VPS53: variants seen among roughly 807,000 people sequenced by gnomAD.
VPS53 encodes vacuolar protein sorting-associated protein 53 homolog.
In VPS53, 70 loss-of-function variants were observed where a neutral mutation model predicts 107.0. The observed-to-expected ratio is 0.65, with a 90% confidence interval of 0.54 to 0.80. The LOEUF (loss-of-function observed/expected upper bound fraction) is 0.80, where lower values mean the gene tolerates loss of function less well. Among genes scored for constraint, VPS53 ranks in the 30% least tolerant of loss-of-function variants. The pLI is 0.00. For missense variants in VPS53, 917 were observed against 1,049.4 expected, an observed-to-expected ratio of 0.87 and a Z score of 1.74; for synonymous variants, 409 against 393.3, an observed-to-expected ratio of 1.04 and a Z score of -0.47.
At chr17:560,727 T>G (rs891907920) in intron 14 of VPS53, among the ~76,000 whole-genome samples, 154 bp from the exon 15 acceptor site, 1 of 152,226 alleles carries the variant, frequency 6.6e-6, no homozygotes, top group African/African-American at 2.4e-5. Context: ...CCTACTGACC[T>G]TACCTTGACA....
chr17:558,264 G>A (rs367602893), intron 15 of VPS53, among the ~76,000 whole-genome samples: 31 of 152,270 alleles, frequency 2.0e-4, no homozygotes, highest in Admixed American at 5.9e-4. Flanking sequence ...TCAGGAGATT[G>A]AGACCATCCT....
At chr17:594,565 C>T (rs1362706507) in intron 12 of VPS53, among the ~76,000 whole-genome samples, 1 of 145,070 alleles carries the variant, frequency 6.9e-6, no homozygotes, top group Non-Finnish European at 1.5e-5. Flanking sequence ...GGGAAGGGGT[C>T]TGGATCAATT....
rs557886592 is a variant in VPS53 at position 559,445 on chromosome 17, A to C, written c.1704+981T>G. ...ACAGATAGTGCCATCTTACCTGGGGAGTGGCCTGGGGCTAAACGGACTGCT... is the reference window on the plus strand; with the variant it reads ...ACAGATAGTGCCATCTTACCTGGGGCGTGGCCTGGGGCTAAACGGACTGCT... On this transcript the variant is annotated intron_variant, in intron 15 of 21. Coordinates refer to ENST00000437048, the MANE Select transcript of VPS53 (RefSeq NM_001128159.3). 1.2e-4 allele frequency among the ~76,000 whole-genome samples: 19 copies of C among 152,288 alleles called. No individual in the cohort carries two copies. The Middle Eastern group carries it at 0.037, about 300-fold the overall frequency.
rs1028159469 is a variant in VPS53, at chr17:517,327, T to C, written c.*1801A>G. 7 of 396,954 alleles carry C rather than the reference T, an allele frequency of 1.8e-5. No individual in the cohort carries two copies. The highest frequency in any genetic ancestry group is 1.2e-4 in the African/African-American group (6 of 48,550). The allele number at this position is 396,954 out of a possible 1,614,324, so 24.6% of individuals were successfully genotyped here. ...CTAGCAAGGACAGCCTGGAAGCCGA[T>C]GAAGAAATGACACTCAGGATCAGAG... On this transcript the variant is annotated 3_prime_UTR_variant, in exon 22 of 22. Transcript: ENST00000437048.
At chr17:656,700 ATGTG>A (rs34123743) in intron 5 of VPS53, 112,953 of 546,660 alleles carry the variant, frequency 0.21, 5,509 homozygotes, top group Admixed American at 0.28. Context: ...TGACTAAGAA[ATGTG>A]TGTGTGTGTG....
chr17:653,485 C>T, intron 6 of VPS53, 75 bp from the exon 7 acceptor site: 1 of 1,599,072 alleles, frequency 6.3e-7, no homozygotes, highest in Non-Finnish European at 8.5e-7. Context: ...ACAACCCACG[C>T]TAGCTCTCAA....
intron 7 of VPS53, among the ~76,000 whole-genome samples, chr17:652,241 C>T (rs191096406): frequency 5.3e-5 from 8 of 152,188 alleles, no homozygotes; most frequent in South Asian, 2.1e-4. Context: ...GTGATCCACC[C>T]GCCTCGGCCT....
chr17:594,564 T>C (rs1309091406), intron 12 of VPS53, among the ~76,000 whole-genome samples: 73 of 145,574 alleles, frequency 5.0e-4, no homozygotes, highest in Middle Eastern at 3.6e-3. Flanking sequence ...TGGGAAGGGG[T>C]CTGGATCAAT....
At chr17:542,873 G>C (rs547957463) in intron 17 of VPS53, among the ~76,000 whole-genome samples, 1 of 151,950 alleles carries the variant, frequency 6.6e-6, no homozygotes, top group South Asian at 2.1e-4. Context: ...AGCTACTTGG[G>C]AGGCTGAGGC....
intron 11 of VPS53, among the ~76,000 whole-genome samples, chr17:609,312 C>G (rs926636333): frequency 6.6e-6 from 1 of 152,190 alleles, no homozygotes; most frequent in African/African-American, 2.4e-5. Flanking sequence ...TCACCCAGGT[C>G]AGGGCACGTA....
At chr17:533,714 G>C (rs1360257820) in intron 18 of VPS53, among the ~76,000 whole-genome samples, 1 of 152,172 alleles carries the variant, frequency 6.6e-6, no homozygotes, top group Non-Finnish European at 1.5e-5. Context: ...TTGCTTACAT[G>C]TCTATTTTGC....
intron 2 of VPS53, among the ~76,000 whole-genome samples, chr17:703,802 C>CTT (rs869170409): frequency 1.2e-4 from 17 of 141,120 alleles, no homozygotes; most frequent in Non-Finnish European, 1.9e-4. Flanking sequence ...AATTTGGCAT[C>CTT]TTTTTTTTTT....
At chr17:591,479 A>C (rs987455833) in intron 12 of VPS53, among the ~76,000 whole-genome samples, 6 of 151,914 alleles carry the variant, frequency 3.9e-5, no homozygotes, top group Admixed American at 3.9e-4. Context: ...TTAGGGTGTC[A>C]ATTTTGGATC....
chr17:535,394 A>G (rs1303134811), intron 18 of VPS53, among the ~76,000 whole-genome samples: 1 of 135,182 alleles, frequency 7.4e-6, no homozygotes, highest in African/African-American at 2.5e-5. Context: ...AGACGCCGGG[A>G]CTGGCTAAGT....
At chr17:686,352 T>C (rs1332940042) in intron 4 of VPS53, among the ~76,000 whole-genome samples, 1 of 152,026 alleles carries the variant, frequency 6.6e-6, no homozygotes, top group African/African-American at 2.4e-5. Context: ...TTGGAAGTTA[T>C]AAAAACTAGA....
rs1478766646 is a variant in VPS53, at chr17:513,201, A to G, written c.*5927T>C. On this transcript the variant is annotated 3_prime_UTR_variant, in exon 22 of 22. Transcript: ENST00000437048. ...GTCTGTTCTGTTTTCTGTCAGCAGT[A>G]AGGAAATACATTCTAGCAAATGACA... 1.3e-5 allele frequency: 2 copies of G among 152,228 alleles called. No individual in the cohort carries two copies. The highest frequency in any genetic ancestry group is 4.8e-5 in the African/African-American group (2 of 41,468). The allele number at this position is 152,228 out of a possible 1,614,324, so 9.4% of individuals were successfully genotyped here.
intron 2 of VPS53, among the ~76,000 whole-genome samples, 153 bp downstream of exon 2, chr17:710,380 C>T (rs1973592488): frequency 6.6e-6 from 1 of 152,074 alleles, no homozygotes; most frequent in South Asian, 2.1e-4. Context: ...CAGTGTAGCT[C>T]ACTGCCCCAG....
chr17:631,375 AC>A (rs1476004157), intron 8 of VPS53, among the ~76,000 whole-genome samples, 174 bp downstream of exon 8: 2 of 151,980 alleles, frequency 1.3e-5, no homozygotes. Flanking sequence ...AGGAACTGCC[AC>A]CACCTAGGGA....
intron 11 of VPS53, among the ~76,000 whole-genome samples, chr17:602,561 C>T (rs918037625): frequency 2.0e-5 from 3 of 152,196 alleles, no homozygotes; most frequent in African/African-American, 4.8e-5. Flanking sequence ...AAATACATCA[C>T]GGAGTGGAAA....
Sources: allele counts gnomAD v4.1 joint callset (sites outside exome capture counted in the v4.1 genomes callset), GRCh38; gene constraint gnomAD v4.1.1; transcripts MANE v1.5; gene names NCBI Gene and HGNC (gene_info 2026-07-23, HGNC 2026-07-21).